The following PTPRD variants were observed in gnomAD, a reference collection of about 807,000 sequenced individuals.
PTPRD encodes the protein protein tyrosine phosphatase receptor type D, also known as receptor-type tyrosine-protein phosphatase delta.
Under a neutral mutation model 214.5 loss-of-function variants are expected in PTPRD, and 34 were observed. That is an observed-to-expected ratio of 0.16 (90% CI 0.12 to 0.21). The LOEUF (loss-of-function observed/expected upper bound fraction) is 0.21. PTPRD is among the 10% of genes least tolerant of loss of function. The pLI is 1.00. For missense variants in PTPRD, 2,545 were observed against 2,398.7 expected (o/e 1.06, Z -1.27); for synonymous variants, 1,128 against 845.7 (o/e 1.33, Z -5.79).
Position 10,047,367 on chromosome 9 carries a change from C to T in PTPRD, c.-544-13577G>A, listed in dbSNP as rs73641829. On this transcript the variant is annotated intron_variant, in intron 3 of 45. Transcript: ENST00000381196. The stretch of plus-strand genomic sequence containing the variant: ...GTGTGTGTGTGCTTGTGTGATAATG[C>T]CTGTAGATATTTTAGCATATCTGGC... Among the ~76,000 whole-genome samples, 874 of 131,858 alleles carry T rather than the reference C, an allele frequency of 6.6e-3. 12 individuals are homozygous for T. The highest frequency in any genetic ancestry group is 0.023 in the African/African-American group (801 of 35,532). 86.5% of individuals were successfully genotyped at this position (131,858 alleles called of 152,430 possible). A position where few individuals can be genotyped will look rare whatever the true frequency, so the allele number is the denominator to read the frequency against.
At chr9:9,197,805 T>C (rs547848336) in intron 9 of PTPRD, among the ~76,000 whole-genome samples, 7 of 152,316 alleles carry the variant, frequency 4.6e-5, no homozygotes, top group Admixed American at 3.9e-4. Context: ...AATAAATGAT[T>C]TTTGAAGGAA....
intron 11 of PTPRD, among the ~76,000 whole-genome samples, chr9:8,922,644 T>TA (rs1178939090): frequency 7.9e-6 from 1 of 127,304 alleles, no homozygotes; most frequent in Non-Finnish European, 1.6e-5. Context: ...TCTAATTTTA[T>TA]TTTTTTTGAG....
chr9:8,314,801 G>T lies in PTPRD; in HGVS notation c.*3073C>A. Reference sequence around the variant, plus strand: ...TGAATTTCCGAAGCAGTTTCTTACAGATGGGTTCAAGTAATATCATTATTG... The same window carrying T: ...TGAATTTCCGAAGCAGTTTCTTACATATGGGTTCAAGTAATATCATTATTG... On this transcript the variant is annotated 3_prime_UTR_variant, in exon 46 of 46. Transcript: ENST00000381196. 4.3e-6 allele frequency: 1 copy of T among 232,254 alleles called. No homozygotes were observed. Among genetic ancestry groups the T allele is most frequent in the East Asian group, 6.1e-5 (1 of 16,526 alleles). 14.4% of individuals were successfully genotyped at this position (232,254 alleles called of 1,614,324 possible). A position where few individuals can be genotyped will look rare whatever the true frequency, so the allele number is the denominator to read the frequency against.
At chr9:10,167,054 C>T (rs1182530760) in intron 3 of PTPRD, among the ~76,000 whole-genome samples, 1 of 151,760 alleles carries the variant, frequency 6.6e-6, no homozygotes, top group East Asian at 1.9e-4. Context: ...AATCAACATT[C>T]CTATAAACCT....
intron 11 of PTPRD, among the ~76,000 whole-genome samples, chr9:8,780,351 T>G (rs2154493398): frequency 6.9e-6 from 1 of 145,526 alleles, no homozygotes; most frequent in South Asian, 2.2e-4. Flanking sequence ...ATTCCTTAAA[T>G]ACCAATTCTG....
intron 11 of PTPRD, among the ~76,000 whole-genome samples, chr9:8,815,657 G>T (rs973975626): frequency 6.6e-6 from 1 of 151,950 alleles, no homozygotes; most frequent in East Asian, 1.9e-4. Flanking sequence ...GAGATTATGG[G>T]TTTTTTTTCC....
chr9:9,118,014 T>A (rs543293794), intron 10 of PTPRD, among the ~76,000 whole-genome samples: 1 of 152,284 alleles, frequency 6.6e-6, no homozygotes, highest in Non-Finnish European at 1.5e-5. Flanking sequence ...GACAGGGACA[T>A]GCAAGTGAGG....
intron 4 of PTPRD, among the ~76,000 whole-genome samples, chr9:10,023,184 A>G (rs1169834399): frequency 6.6e-6 from 1 of 152,218 alleles, no homozygotes; most frequent in Non-Finnish European, 1.5e-5. Flanking sequence ...GTGTATATAC[A>G]TAAATGTATC....
chr9:10,089,653 A>G (rs971680654), intron 3 of PTPRD, among the ~76,000 whole-genome samples: 1 of 151,684 alleles, frequency 6.6e-6, no homozygotes, highest in Non-Finnish European at 1.5e-5. Flanking sequence ...ACAACAGAAT[A>G]AGGTATAACT....
chr9:9,417,586 A>G (rs1414794276), intron 8 of PTPRD, among the ~76,000 whole-genome samples: 1 of 152,146 alleles, frequency 6.6e-6, no homozygotes, highest in African/African-American at 2.4e-5. Context: ...TCTTAAAAAA[A>G]TTGAAAGAAA....
chr9:8,599,304 T>C (rs77487718), intron 14 of PTPRD, among the ~76,000 whole-genome samples: 13 of 152,136 alleles, frequency 8.5e-5, no homozygotes, highest in Non-Finnish European at 1.8e-4. Flanking sequence ...ATTAGCAGCG[T>C]GGGAACAGAC....
chr9:8,890,131 T>C (rs1209977527), intron 11 of PTPRD, among the ~76,000 whole-genome samples: 1 of 152,152 alleles, frequency 6.6e-6, no homozygotes, highest in African/African-American at 2.4e-5. Flanking sequence ...AGATATATGA[T>C]CAAAATAAAT....
intron 5 of PTPRD, among the ~76,000 whole-genome samples, chr9:9,934,357 G>A (rs926307255): frequency 1.3e-5 from 2 of 149,208 alleles, no homozygotes; most frequent in African/African-American, 5.0e-5. Context: ...AAAGAGAGAA[G>A]AATCAAATAG....
chr9:8,427,517 G>A (rs147056759), intron 35 of PTPRD, among the ~76,000 whole-genome samples: 2 of 152,048 alleles, frequency 1.3e-5, no homozygotes, highest in African/African-American at 4.8e-5. Context: ...ACAGCATACC[G>A]AGAGGCCAGA....
chr9:8,955,192 C>A (rs2099124645), intron 11 of PTPRD, among the ~76,000 whole-genome samples: 1 of 151,856 alleles, frequency 6.6e-6, no homozygotes. Flanking sequence ...GCCAGCTGTT[C>A]TTTAGCTCCA....
At position 10,344,231 on chromosome 9, in the gene PTPRD, T is replaced by G. The variant is rs527310242; in HGVS notation, c.-599-3214A>C. Among the ~76,000 whole-genome samples, 5 of 152,164 alleles carry G rather than the reference T, an allele frequency of 3.3e-5. No homozygotes were observed. The East Asian group carries it at 9.7e-4, about 29-fold the overall frequency. On this transcript the variant is annotated intron_variant, in intron 2 of 45. Transcript: ENST00000381196. ...TAAGGTGTAAGGAAGGGATCCAGTT[T>G]CATCTTTCTACATATGGCTAGCCAG...
intron 6 of PTPRD, among the ~76,000 whole-genome samples, chr9:9,750,399 C>T (rs1282395134): frequency 6.6e-6 from 1 of 152,106 alleles, no homozygotes; most frequent in African/African-American, 2.4e-5. Flanking sequence ...TAGACTCCCT[C>T]AGCTTATATA....
At chr9:9,172,397 T>C (rs1216405232) in intron 10 of PTPRD, among the ~76,000 whole-genome samples, 2 of 152,156 alleles carry the variant, frequency 1.3e-5, no homozygotes. Context: ...TAACTATTTT[T>C]ATCTCTTCTC....
chr9:10,471,979 C>A (rs966905249), intron 2 of PTPRD, among the ~76,000 whole-genome samples: 1 of 151,982 alleles, frequency 6.6e-6, no homozygotes, highest in Non-Finnish European at 1.5e-5. Context: ...TCAATTTATG[C>A]CTCATGTTTA....
Sources: allele counts gnomAD v4.1 joint callset (sites outside exome capture counted in the v4.1 genomes callset), GRCh38; gene constraint gnomAD v4.1.1; transcripts MANE v1.5; gene names NCBI Gene and HGNC (gene_info 2026-07-23, HGNC 2026-07-21).